ARAP2: variants seen among roughly 807,000 people sequenced by gnomAD.
The protein encoded by ARAP2 is arf-GAP with Rho-GAP domain, ANK repeat and PH domain-containing protein 2.
Under a neutral mutation model 194.5 loss-of-function variants are expected in ARAP2, and 148 were observed. That is an observed-to-expected ratio of 0.76 (90% CI 0.67 to 0.87). The LOEUF (loss-of-function observed/expected upper bound fraction) is 0.87. Among genes scored for constraint, ARAP2 ranks in the 40% least tolerant of loss-of-function variants. ARAP2 has a pLI of 0.00. For synonymous variants in ARAP2, 695 were observed against 683.5 expected, an observed-to-expected ratio of 1.02 and a Z score of -0.26; for missense variants, 2,128 against 1,989.7, an observed-to-expected ratio of 1.07 and a Z score of -1.32.
In ARAP2 at chr4:36,091,750, C is replaced by G. The variant is rs73806441; in HGVS notation, c.4425+131G>C. ...TAATATCTTATACCATAGGCTGAAG[C>G]AAATCATCAGCTTACCATGCATTTT... On this transcript the variant is annotated intron_variant, in intron 28 of 32. Coordinates refer to ENST00000303965, the MANE Select transcript of ARAP2 (RefSeq NM_015230.4). The G allele has an allele frequency of 1.3e-3, 1,327 of 1,016,130 alleles. 16 individuals carry two copies. The African/African-American group carries it at 0.019, about 15-fold the overall frequency. The allele number at this position is 1,016,130 out of a possible 1,614,324, so 62.9% of individuals were successfully genotyped here.
chr4:36,113,372 A>G (rs1023676174), intron 26 of ARAP2, among the ~76,000 whole-genome samples: 1 of 152,026 alleles, frequency 6.6e-6, no homozygotes, highest in African/African-American at 2.4e-5. Context: ...AGGAATAAAA[A>G]CATAAAGACA....
chr4:36,062,837 T>C (rs1724684985), downstream of ARAP2, among the ~76,000 whole-genome samples: 1 of 152,210 alleles, frequency 6.6e-6, no homozygotes. Context: ...TAATACAATG[T>C]AATTTGTAAT....
At chr4:36,052,551 T>C (rs1002315064) in intron 2 of ARAP2, among the ~76,000 whole-genome samples, 5 of 152,252 alleles carry the variant, frequency 3.3e-5, no homozygotes, top group African/African-American at 1.2e-4. Context: ...ATAAATTATA[T>C]GCACTTCTAA....
chr4:36,206,064 C>A (rs1254966985), intron 6 of ARAP2, among the ~76,000 whole-genome samples: 1 of 152,210 alleles, frequency 6.6e-6, no homozygotes, highest in East Asian at 1.9e-4. Flanking sequence ...TTCTGCAACA[C>A]CTGCCTTCAC....
At chr4:36,242,537 T>G (rs1032313226) in intron 1 of ARAP2, among the ~76,000 whole-genome samples, 1 of 152,306 alleles carries the variant, frequency 6.6e-6, no homozygotes, top group African/African-American at 2.4e-5. Flanking sequence ...ACTTTAAAAC[T>G]TCATAGTTTC....
At chr4:36,207,062 T>G (rs1299417638) in intron 6 of ARAP2, among the ~76,000 whole-genome samples, 1 of 152,246 alleles carries the variant, frequency 6.6e-6, no homozygotes, top group African/African-American at 2.4e-5. Context: ...AGATGTTAAT[T>G]TATGCATCTC....
At chr4:36,151,355 T>A (rs1239028211) in intron 15 of ARAP2, among the ~76,000 whole-genome samples, 1 of 152,128 alleles carries the variant, frequency 6.6e-6, no homozygotes, top group Admixed American at 6.5e-5. Flanking sequence ...AAAATGTCTG[T>A]AGAGTATTAA....
intron 3 of ARAP2, among the ~76,000 whole-genome samples, chr4:36,051,766 G>C (rs886919699): frequency 6.6e-6 from 1 of 151,898 alleles, no homozygotes; most frequent in South Asian, 2.1e-4. Flanking sequence ...CTACTTAAAC[G>C]GTCAAGTATG....
intron 22 of ARAP2, among the ~76,000 whole-genome samples, chr4:36,123,421 C>T (rs1300569758): frequency 6.6e-6 from 1 of 151,768 alleles, no homozygotes; most frequent in East Asian, 1.9e-4. Context: ...TTTCTTGGGA[C>T]TTCCTTCTGC....
At chr4:36,191,740 A>G (rs1461950967) in intron 7 of ARAP2, among the ~76,000 whole-genome samples, 1 of 152,124 alleles carries the variant, frequency 6.6e-6, no homozygotes, top group Non-Finnish European at 1.5e-5. Context: ...TATCTAGGGC[A>G]AGCCTGTCAT....
intron 5 of ARAP2, among the ~76,000 whole-genome samples, chr4:36,038,619 T>G (rs1720332315): frequency 6.6e-6 from 1 of 152,204 alleles, no homozygotes; most frequent in Non-Finnish European, 1.5e-5. Flanking sequence ...TACAGCCACT[T>G]TGAATATATC....
At chr4:36,094,130 A>T (rs554947099) in intron 27 of ARAP2, among the ~76,000 whole-genome samples, 1 of 152,206 alleles carries the variant, frequency 6.6e-6, no homozygotes, top group Admixed American at 6.5e-5. Context: ...CTGCAGGCCA[A>T]ATCCAACCCT....
At chr4:36,036,090 T>C (rs1719874356) in intron 5 of ARAP2, among the ~76,000 whole-genome samples, 1 of 152,148 alleles carries the variant, frequency 6.6e-6, no homozygotes, top group South Asian at 2.1e-4. Flanking sequence ...TGCTTCTCCT[T>C]AAAATTACAC....
chr4:36,128,842 A>T (rs1724655778), intron 20 of ARAP2, 97 bp from the exon 21 acceptor site: 3 of 968,498 alleles, frequency 3.1e-6, no homozygotes, highest in South Asian at 1.7e-5. Context: ...TGAGACGAGA[A>T]GATGATGAAA....
At chr4:36,152,498 A>G (rs1332679496) in intron 15 of ARAP2, among the ~76,000 whole-genome samples, 1 of 152,224 alleles carries the variant, frequency 6.6e-6, no homozygotes, top group Non-Finnish European at 1.5e-5. Flanking sequence ...TAAAAAATGC[A>G]TAATTATTCA....
At chr4:36,207,499 G>T (rs528259686) in intron 6 of ARAP2, among the ~76,000 whole-genome samples, 3 of 152,188 alleles carry the variant, frequency 2.0e-5, no homozygotes, top group South Asian at 4.1e-4. Flanking sequence ...GTTGTATGGT[G>T]TTATGCAATT....
intron 8 of ARAP2, among the ~76,000 whole-genome samples, chr4:36,013,060 T>A (rs949485319): frequency 6.6e-6 from 1 of 152,232 alleles, no homozygotes; most frequent in Non-Finnish European, 1.5e-5. Flanking sequence ...ATGTTACATA[T>A]TGAATATATT....
In ARAP2 at chr4:36,202,263, G is replaced by A. The variant is rs1025943596; in HGVS notation, c.1487+8127C>T. On this transcript the variant is annotated intron_variant, in intron 6 of 32. Coordinates refer to ENST00000303965, the MANE Select transcript of ARAP2 (RefSeq NM_015230.4). The stretch of plus-strand genomic sequence containing the variant: ...AAGCAGAAGACTTTTAAACGATACA[G>A]TAACAAAATATTTTAGAGAGAGAAA... 8.6e-5 allele frequency among the ~76,000 whole-genome samples: 13 copies of A among 151,976 alleles called. 1 individual carries two copies. Among genetic ancestry groups the A allele is most frequent in the Admixed American group, 8.5e-4 (13 of 15,250 alleles).
At chr4:36,087,106 C>G (rs1344648442) in intron 28 of ARAP2, among the ~76,000 whole-genome samples, 1 of 151,948 alleles carries the variant, frequency 6.6e-6, no homozygotes, top group Non-Finnish European at 1.5e-5. Flanking sequence ...AAAACAAATG[C>G]TAAGTCTTTA....
Sources: gnomAD v4.1 joint callset for allele counts (sites outside exome capture counted in the v4.1 genomes callset) on GRCh38, gnomAD v4.1.1 for gene constraint, MANE v1.5 for transcripts, NCBI Gene and HGNC (gene_info 2026-07-23, HGNC 2026-07-21) for gene names.